The following DCP1A variants were observed in gnomAD, a reference collection of about 807,000 sequenced individuals.
The protein encoded by DCP1A is decapping mRNA 1A, also known as mRNA-decapping enzyme 1A.
Under a neutral mutation model 58.0 loss-of-function variants are expected in DCP1A, and 20 were observed. The ratio of observed to expected loss-of-function variants is 0.34; its 90% CI spans 0.24 to 0.50. The LOEUF (loss-of-function observed/expected upper bound fraction) is 0.50, where lower values mean the gene tolerates loss of function less well. Ranked by LOEUF, DCP1A falls within the 20% of genes least tolerant of loss-of-function variation. DCP1A has a pLI of 0.98. For missense variants in DCP1A, 613 were observed against 712.2 expected (o/e 0.86, Z 1.59); for synonymous variants, 285 against 275.1 (o/e 1.04, Z -0.36).
intron 7 of DCP1A, among the ~76,000 whole-genome samples, chr3:53,291,190 T>A (rs1461457009): frequency 6.6e-6 from 1 of 152,158 alleles, no homozygotes; most frequent in South Asian, 2.1e-4. Context: ...GGAATATATA[T>A]AATTTTTAAT....
At chr3:53,298,487 AG>A (rs1707204070) in intron 6 of DCP1A, among the ~76,000 whole-genome samples, 1 of 152,206 alleles carries the variant, frequency 6.6e-6, no homozygotes, top group Non-Finnish European at 1.5e-5. Flanking sequence ...ACTATGTGGG[AG>A]GCGATATGCT....
At chr3:53,338,149 T>C (rs1553692148) in intron 3 of DCP1A, 2 of 449,092 alleles carry the variant, frequency 4.5e-6, no homozygotes, top group Non-Finnish European at 8.9e-6. Flanking sequence ...TCTCAACCTG[T>C]AAGTTGAGGA....
intron 8 of DCP1A, among the ~76,000 whole-genome samples, chr3:53,289,365 C>G (rs1706768368): frequency 6.6e-6 from 1 of 151,170 alleles, no homozygotes; most frequent in South Asian, 2.1e-4. Context: ...AATCCTAGCA[C>G]TTTGGGAGGC....
chr3:53,320,277 A>G (rs1314168698), intron 3 of DCP1A, among the ~76,000 whole-genome samples: 3 of 152,166 alleles, frequency 2.0e-5, no homozygotes, highest in Admixed American at 6.6e-5. Flanking sequence ...TATTCCCAAT[A>G]TGGTGCTCAG....
intron 5 of DCP1A, among the ~76,000 whole-genome samples, chr3:53,308,971 A>C (rs1431083394): frequency 6.6e-5 from 10 of 152,128 alleles, no homozygotes; most frequent in Non-Finnish European, 1.2e-4. Flanking sequence ...AACCAAACAA[A>C]CAACCATCCG....
intron 3 of DCP1A, among the ~76,000 whole-genome samples, chr3:53,321,106 G>C (rs956067709): frequency 1.1e-4 from 16 of 152,242 alleles, no homozygotes; most frequent in Admixed American, 1.0e-3. Context: ...CTGTTGCTAG[G>C]TTGAAGGTCA....
chr3:53,295,730 C>T (rs13097864), intron 6 of DCP1A, among the ~76,000 whole-genome samples: 7,286 of 152,120 alleles, frequency 0.048, 273 homozygotes, highest in Non-Finnish European at 0.071. Context: ...AGCCATTGAG[C>T]CCAGCATAAT....
At chr3:53,315,109 C>A (rs1423727800) in intron 4 of DCP1A, among the ~76,000 whole-genome samples, 4 of 152,194 alleles carry the variant, frequency 2.6e-5, no homozygotes, top group Non-Finnish European at 5.9e-5. Flanking sequence ...GCACTCATGC[C>A]ATTCTCCTTT....
chr3:53,342,851 C>A (rs1553692721), intron 2 of DCP1A, among the ~76,000 whole-genome samples: 1 of 152,136 alleles, frequency 6.6e-6, no homozygotes, highest in Non-Finnish European at 1.5e-5. Context: ...TTTTGTCTTA[C>A]TTTTTTCATA....
At position 53,287,565 on chromosome 3, in the gene DCP1A, C is replaced by A. The variant is rs1553685275; in HGVS notation, c.*15G>T. ...CTGAGGCTGGGGCTCTGCCTTTAGA[C>A]TTATTCTGCTCCAGTCATAGGTTGT... On this transcript the variant is annotated 3_prime_UTR_variant, in exon 10 of 10. Transcript: ENST00000610213. The A allele has an allele frequency of 6.3e-7, 1 of 1,581,698 alleles. No individual in the cohort carries two copies. The highest frequency in any genetic ancestry group is 1.7e-5 in the Admixed American group (1 of 59,938).
intron 3 of DCP1A, among the ~76,000 whole-genome samples, chr3:53,336,317 G>C (rs1323372000): frequency 6.6e-6 from 1 of 151,480 alleles, no homozygotes; most frequent in East Asian, 1.9e-4. Flanking sequence ...ATGTTGGGCA[G>C]GCTGGTCTCG....
chr3:53,316,578 ACT>A (rs1707820185), intron 4 of DCP1A, among the ~76,000 whole-genome samples: 1 of 141,124 alleles, frequency 7.1e-6, no homozygotes, highest in African/African-American at 2.6e-5. Flanking sequence ...TTCTCTAATC[ACT>A]TTCTTTTCTT....
intron 3 of DCP1A, among the ~76,000 whole-genome samples, chr3:53,324,120 C>A (rs781960376): frequency 1.3e-5 from 2 of 152,154 alleles, no homozygotes; most frequent in Non-Finnish European, 2.9e-5. Flanking sequence ...AGACACATGC[C>A]TTCTGCTTTT....
intron 1 of DCP1A, among the ~76,000 whole-genome samples, chr3:53,346,749 G>A (rs2089296656): frequency 6.6e-6 from 1 of 152,028 alleles, no homozygotes; most frequent in Non-Finnish European, 1.5e-5. Flanking sequence ...ACATTTACAG[G>A]GTCTCTCTTG....
At chr3:53,292,966 T>C (rs1706981129) in intron 6 of DCP1A, 139 bp from the exon 7 acceptor site, 2 of 866,938 alleles carry the variant, frequency 2.3e-6, no homozygotes, top group Non-Finnish European at 3.5e-6. Flanking sequence ...AAACTGAAGA[T>C]ATACTAAGGA....
At chr3:53,292,876 G>A (rs782076294) in intron 6 of DCP1A, 49 bp from the exon 7 acceptor site, 17 of 1,525,174 alleles carry the variant, frequency 1.1e-5, no homozygotes, top group Non-Finnish European at 1.2e-5. Context: ...TTATAAATCA[G>A]CATAACCAAA....
rs782502681 is a variant in DCP1A, at chr3:53,292,268, A to G, written c.1184T>C (p.Leu395Pro). 2.5e-6 allele frequency: 4 copies of G among 1,613,676 alleles called. No individual in the cohort carries two copies. The African/African-American group carries it at 5.3e-5, about 22-fold the overall frequency. ...CTGTGGGGTCAACCTGAGTTTCTGGAGAAGATCAACGCTTGGGAGGGATGT... is the reference window on the plus strand; with the variant it reads ...CTGTGGGGTCAACCTGAGTTTCTGGGGAAGATCAACGCTTGGGAGGGATGT... ...AGTSLPSVDL[L>P]QKLRLTPQHD... is the part of the protein sequence containing the mutation. The change falls in exon 7 of 10, where the codon CTC becomes CCC. Residue 395 changes from leucine (L) to proline (P), a missense_variant. By Grantham distance (98) the Leu-to-Pro change is moderately conservative (BLOSUM62 -3). Transcript: ENST00000610213.
At chr3:53,329,352 A>G (rs1559701404) in intron 3 of DCP1A, 1 of 398,598 alleles carries the variant, frequency 2.5e-6, no homozygotes, top group East Asian at 3.6e-5. Flanking sequence ...ATTTTCATTA[A>G]AAGCACTATG....
intron 5 of DCP1A, 23 bp downstream of exon 5, chr3:53,312,218 C>A (rs140435278): frequency 6.4e-7 from 1 of 1,562,612 alleles, no homozygotes; most frequent in Non-Finnish European, 8.7e-7. Context: ...CTGGTCAGCA[C>A]CCAAGTACCC....
Sources: allele counts gnomAD v4.1 joint callset (sites outside exome capture counted in the v4.1 genomes callset), GRCh38; gene constraint gnomAD v4.1.1; transcripts MANE v1.5; gene names NCBI Gene and HGNC (gene_info 2026-07-23, HGNC 2026-07-21).